The following C4orf36 variants were observed in gnomAD, a reference collection of about 807,000 sequenced individuals.
C4orf36 encodes chromosome 4 open reading frame 36.
In C4orf36, 11 loss-of-function variants were observed where a neutral mutation model predicts 12.2. The ratio of observed to expected loss-of-function variants is 0.90; its 90% CI spans 0.57 to 1.49. The LOEUF is 1.49. Among genes scored for constraint, C4orf36 ranks in the 40% most tolerant of loss-of-function variants. The pLI, the probability that C4orf36 is intolerant of heterozygous loss-of-function variation, is 0.00. For missense variants in C4orf36, 137 were observed against 133.9 expected (o/e 1.02, Z -0.11); for synonymous variants, 54 against 51.3 (o/e 1.05, Z -0.22).
Position 86,886,232 on chromosome 4 carries a change from T to C in C4orf36, c.*2+1526A>G, listed in dbSNP as rs574286972. 2.4e-3 allele frequency among the ~76,000 whole-genome samples: 359 copies of C among 152,316 alleles called. 2 individuals carry two copies. Among genetic ancestry groups the C allele is most frequent in the Admixed American group, 4.6e-3 (70 of 15,306 alleles). ...GCCTCATAAAATGAGTTAGGGAGGA[T>C]ACCCTCTTTTTCTATTGATTGGAAT... is the stretch of plus-strand genomic sequence containing the variant. On this transcript the variant is annotated intron_variant, in intron 4 of 4. Coordinates refer to ENST00000295898, the MANE Select transcript of C4orf36 (RefSeq NM_144645.4).
At chr4:86,912,252 C>T in the C4orf36 span, among the ~76,000 whole-genome samples, 2 of 152,060 alleles carry the variant, frequency 1.3e-5, no homozygotes, top group African/African-American at 4.8e-5. Context: ...AACTCCTGGC[C>T]TCAAGTGATC....
At chr4:86,913,248 T>A in the C4orf36 span, 4 of 572,420 alleles carry the variant, frequency 7.0e-6, no homozygotes, top group Non-Finnish European at 1.3e-5. Context: ...GGAAGCTCAC[T>A]CAGCTTCACA....
the C4orf36 span, among the ~76,000 whole-genome samples, chr4:86,918,780 A>C: frequency 6.8e-6 from 1 of 147,042 alleles, no homozygotes; most frequent in Non-Finnish European, 1.5e-5. Flanking sequence ...GGTTCTCCAG[A>C]GAGACAGAAC....
intron 4 of C4orf36, among the ~76,000 whole-genome samples, chr4:86,878,677 A>G (rs1370880390): frequency 6.6e-6 from 1 of 152,220 alleles, no homozygotes; most frequent in Non-Finnish European, 1.5e-5. Context: ...AGATGAATGC[A>G]CTGTTTATCC....
At chr4:86,901,095 G>A in the C4orf36 span, among the ~76,000 whole-genome samples, 5 of 150,476 alleles carry the variant, frequency 3.3e-5, no homozygotes, top group African/African-American at 4.9e-5. Context: ...AGTGATTCTC[G>A]CGCTTCAGCC....
intron 4 of C4orf36, 81 bp from the exon 5 acceptor site, chr4:86,876,524 G>A (rs1003718072): frequency 4.0e-5 from 64 of 1,613,672 alleles, no homozygotes; most frequent in Non-Finnish European, 5.2e-5. Flanking sequence ...TAGAAATGTC[G>A]GATTGTGTGA....
At chr4:86,902,485 A>G in the C4orf36 span, among the ~76,000 whole-genome samples, 1 of 151,772 alleles carries the variant, frequency 6.6e-6, no homozygotes, top group Non-Finnish European at 1.5e-5. Flanking sequence ...GACTCTCTTC[A>G]GAGCCTCCAA....
intron 4 of C4orf36, among the ~76,000 whole-genome samples, chr4:86,877,591 CT>C (rs774780152): frequency 5.7e-4 from 86 of 152,194 alleles, no homozygotes; most frequent in Non-Finnish European, 1.1e-3. Flanking sequence ...TTCCTGACAA[CT>C]TTTTTCAGGG....
At chr4:86,925,211 G>GT in the C4orf36 span, 1 of 152,082 alleles carries the variant, frequency 6.6e-6, no homozygotes, top group East Asian at 1.9e-4. Flanking sequence ...TATCCAAACT[G>GT]TATCAATTTG....
At chr4:86,884,581 T>C (rs1444617458) in intron 4 of C4orf36, among the ~76,000 whole-genome samples, 5 of 152,162 alleles carry the variant, frequency 3.3e-5, no homozygotes, top group Non-Finnish European at 7.3e-5. Flanking sequence ...CTGAGATTTA[T>C]AGGCATAAGC....
At chr4:86,895,559 C>T (rs552042320), upstream of C4orf36, among the ~76,000 whole-genome samples, 82 of 152,342 alleles carry the variant, frequency 5.4e-4, no homozygotes, top group South Asian at 0.016. Context: ...AGATCCTTAA[C>T]ATTGTCAACA....
At chr4:86,934,007 A>G in the C4orf36 span, among the ~76,000 whole-genome samples, 5 of 152,250 alleles carry the variant, frequency 3.3e-5, no homozygotes, top group Non-Finnish European at 5.9e-5. Flanking sequence ...TGTGGACAAT[A>G]AAAGAGTTGA....
At chr4:86,903,508 T>A in the C4orf36 span, among the ~76,000 whole-genome samples, 2 of 152,288 alleles carry the variant, frequency 1.3e-5, no homozygotes, top group South Asian at 4.1e-4. Flanking sequence ...TTCCTTCCAG[T>A]AGGTTCGTGG....
chr4:86,898,413 T>C, the C4orf36 span, among the ~76,000 whole-genome samples: 39 of 150,334 alleles, frequency 2.6e-4, no homozygotes, highest in East Asian at 2.6e-3. Flanking sequence ...AAATATATCA[T>C]TGGGCCAGGT....
At chr4:86,919,330 T>C in the C4orf36 span, among the ~76,000 whole-genome samples, 2 of 139,954 alleles carry the variant, frequency 1.4e-5, no homozygotes, top group Admixed American at 1.5e-4. Context: ...TTTTTTTTTT[T>C]TTTTTTTTTT....
chr4:86,919,090 G>A, the C4orf36 span, among the ~76,000 whole-genome samples: 96 of 150,490 alleles, frequency 6.4e-4, no homozygotes, highest in African/African-American at 2.2e-3. Flanking sequence ...GATGTCCAAG[G>A]ACAGGAGGAG....
the C4orf36 span, among the ~76,000 whole-genome samples, chr4:86,909,491 G>A: frequency 1.3e-5 from 2 of 152,124 alleles, no homozygotes; most frequent in Admixed American, 6.5e-5. Context: ...GACCACAGGC[G>A]CAACAATTAA....
the C4orf36 span, among the ~76,000 whole-genome samples, chr4:86,931,376 C>T: frequency 5.3e-5 from 8 of 152,138 alleles, no homozygotes; most frequent in African/African-American, 1.9e-4. Flanking sequence ...TCCCCGGAGT[C>T]TGGGTTGGCT....
chr4:86,902,059 G>T, the C4orf36 span, among the ~76,000 whole-genome samples: 30 of 152,254 alleles, frequency 2.0e-4, no homozygotes, highest in African/African-American at 6.0e-4. Flanking sequence ...ATAGAGGCGA[G>T]CCTGGAGCAA....
Sources: gnomAD v4.1 joint callset for allele counts (sites outside exome capture counted in the v4.1 genomes callset) on GRCh38, gnomAD v4.1.1 for gene constraint, MANE v1.5 for transcripts, NCBI Gene and HGNC (gene_info 2026-07-23, HGNC 2026-07-21) for gene names.